SCFD2: variants seen among roughly 807,000 people sequenced by gnomAD.
The protein encoded by SCFD2 is sec1 family domain-containing protein 2.
Under a neutral mutation model 58.9 loss-of-function variants are expected in SCFD2, and 54 were observed. The observed-to-expected ratio is 0.92, with a 90% CI of 0.74 to 1.15. The LOEUF (loss-of-function observed/expected upper bound fraction) is 1.15, where lower values mean the gene tolerates loss of function less well. Ranked by LOEUF, SCFD2 falls within the 50% of genes most tolerant of loss-of-function variation. SCFD2 has a pLI of 0.00. For missense variants in SCFD2, 805 were observed against 836.6 expected (o/e 0.96, Z 0.47); for synonymous variants, 321 against 335.9 (o/e 0.96, Z 0.49).
At chr4:53,248,352 G>A (rs377002556) in intron 4 of SCFD2, among the ~76,000 whole-genome samples, 7 of 152,340 alleles carry the variant, frequency 4.6e-5, no homozygotes, top group Admixed American at 6.5e-5. Flanking sequence ...GGGGAGGGGC[G>A]CCCGCCATTG....
chr4:53,095,411 C>CTA (rs71195199), intron 5 of SCFD2, among the ~76,000 whole-genome samples: 65 of 151,394 alleles, frequency 4.3e-4, no homozygotes, highest in South Asian at 8.4e-4. Flanking sequence ...GCATAATCTG[C>CTA]TATATATATA....
intron 4 of SCFD2, among the ~76,000 whole-genome samples, chr4:53,197,572 A>G (rs1339497142): frequency 6.6e-6 from 1 of 152,118 alleles, no homozygotes; most frequent in East Asian, 1.9e-4. Context: ...GTCTTAAACA[A>G]TAGAAAAAGC....
intron 3 of SCFD2, among the ~76,000 whole-genome samples, chr4:53,278,946 C>T (rs746158939): frequency 1.8e-4 from 27 of 149,212 alleles, no homozygotes; most frequent in Non-Finnish European, 3.1e-4. Flanking sequence ...ATAACCTTAC[C>T]AAAAGCAAAT....
chr4:53,054,625 C>A (rs539491283), intron 5 of SCFD2, among the ~76,000 whole-genome samples: 3 of 148,064 alleles, frequency 2.0e-5, no homozygotes, highest in Admixed American at 2.0e-4. Flanking sequence ...AAATGATTAG[C>A]TTAGAAAAAA....
chr4:52,883,260 CAAGGT>C (rs1353766601), intron 8 of SCFD2, among the ~76,000 whole-genome samples: 2 of 152,156 alleles, frequency 1.3e-5, no homozygotes, highest in Non-Finnish European at 2.9e-5. Flanking sequence ...GTGTGTCTGT[CAAGGT>C]CTAAGAAAGG....
chr4:52,997,184 C>G (rs992864805), intron 5 of SCFD2, among the ~76,000 whole-genome samples: 2 of 152,200 alleles, frequency 1.3e-5, no homozygotes, highest in African/African-American at 4.8e-5. Context: ...CCCCTCTGCG[C>G]CCACTTCAGA....
In SCFD2 at chr4:53,113,796, G is replaced by A. The variant is rs549038938; in HGVS notation, c.1561+31537C>T. ...TTGGATAATGTTTATAAAGTGGCTG[G>A]AATAAAACAAAGGTACAGAAAGTGG... On this transcript the variant is annotated intron_variant, in intron 5 of 8. Transcript: ENST00000401642. Among the ~76,000 whole-genome samples the A allele has an allele frequency of 2.7e-4, 38 of 138,634 alleles. No individual in the cohort carries two copies. The South Asian group carries it at 9.1e-3, about 33-fold the overall frequency. 90.9% of individuals were successfully genotyped at this position (138,634 alleles called of 152,430 possible).
chr4:53,363,826 C>CAA (rs754101699), intron 1 of SCFD2, among the ~76,000 whole-genome samples: 19,769 of 106,646 alleles, frequency 0.19, 2,259 homozygotes, highest in Admixed American at 0.27. Context: ...GACTCCGTCT[C>CAA]AAAAAAAAAA....
chr4:52,892,520 C>A (rs1366461529), intron 7 of SCFD2, among the ~76,000 whole-genome samples: 2 of 152,210 alleles, frequency 1.3e-5, no homozygotes, highest in Non-Finnish European at 2.9e-5. Context: ...CTACTCCCTG[C>A]AGGTCACCCT....
intron 5 of SCFD2, among the ~76,000 whole-genome samples, chr4:53,058,099 AACTT>A (rs1723398812): frequency 6.6e-6 from 1 of 152,204 alleles, no homozygotes; most frequent in African/African-American, 2.4e-5. Context: ...ATTTATTACT[AACTT>A]AGCTAATTAC....
chr4:53,067,825 A>G (rs1723706373), intron 5 of SCFD2, among the ~76,000 whole-genome samples: 1 of 152,208 alleles, frequency 6.6e-6, no homozygotes, highest in Non-Finnish European at 1.5e-5. Context: ...GGCTCTGAGA[A>G]CAGAGGTTAT....
chr4:52,929,135 T>C (rs1051230005), intron 5 of SCFD2, among the ~76,000 whole-genome samples: 10 of 152,198 alleles, frequency 6.6e-5, no homozygotes, highest in African/African-American at 2.2e-4. Context: ...GGTTTAGGTA[T>C]ACACACATAT....
intron 4 of SCFD2, among the ~76,000 whole-genome samples, chr4:53,229,365 A>G (rs1175233890): frequency 6.6e-6 from 1 of 152,242 alleles, no homozygotes; most frequent in Non-Finnish European, 1.5e-5. Flanking sequence ...ACCTGACTTC[A>G]AACTATACTA....
intron 4 of SCFD2, among the ~76,000 whole-genome samples, chr4:53,248,341 G>A (rs1257579616): frequency 6.6e-6 from 1 of 152,222 alleles, no homozygotes; most frequent in Non-Finnish European, 1.5e-5. Context: ...CAGCGAGGAT[G>A]GGGGAGGGGC....
chr4:53,269,481 G>A (rs1174952905), intron 4 of SCFD2, among the ~76,000 whole-genome samples: 1 of 152,072 alleles, frequency 6.6e-6, no homozygotes, highest in African/African-American at 2.4e-5. Flanking sequence ...TCTGACAGAA[G>A]ATAAATCAAA....
intron 2 of SCFD2, among the ~76,000 whole-genome samples, chr4:53,329,939 A>G (rs3959520): frequency 0.68 from 97,885 of 144,302 alleles, 32,159 homozygotes; most frequent in Middle Eastern, 0.8. Context: ...CGAGAACTAC[A>G]TGAAGAATGC....
chr4:53,281,699 G>A (rs1351920863), intron 3 of SCFD2, among the ~76,000 whole-genome samples: 1 of 152,208 alleles, frequency 6.6e-6, no homozygotes, highest in Non-Finnish European at 1.5e-5. Flanking sequence ...TAGTCTATAA[G>A]CAAACAAAAG....
chr4:53,061,532 C>T (rs532112274), intron 5 of SCFD2, among the ~76,000 whole-genome samples: 2 of 152,232 alleles, frequency 1.3e-5, no homozygotes, highest in South Asian at 2.1e-4. Flanking sequence ...TTAGTACAAA[C>T]GAGGACAGGA....
chr4:53,151,712 T>TA (rs1726513112), intron 4 of SCFD2, among the ~76,000 whole-genome samples: 1 of 152,344 alleles, frequency 6.6e-6, no homozygotes, highest in East Asian at 1.9e-4. Context: ...CTCATCGTGT[T>TA]AGTCCATTTG....
Sources: gnomAD v4.1 joint callset for allele counts (sites outside exome capture counted in the v4.1 genomes callset) on GRCh38, gnomAD v4.1.1 for gene constraint, MANE v1.5 for transcripts, NCBI Gene and HGNC (gene_info 2026-07-23, HGNC 2026-07-21) for gene names.